NPAT: variants seen among roughly 807,000 people sequenced by gnomAD.
The protein encoded by NPAT is protein NPAT.
NPAT carries 52 observed loss-of-function variants against 130.7 expected under a neutral mutation model. The observed-to-expected ratio is 0.40, with a 90% confidence interval of 0.32 to 0.50. NPAT has a LOEUF of 0.50. Ranked by LOEUF, NPAT falls within the 20% of genes least tolerant of loss-of-function variation. The probability of loss-of-function intolerance (pLI) is 0.68; values close to 1 mark genes in which losing one functional copy is unlikely to be tolerated. For missense variants in NPAT, 1,687 were observed against 1,662.6 expected (o/e 1.01, Z -0.26); for synonymous variants, 580 against 584.8 (o/e 0.99, Z 0.12).
chr11:108,185,721 T>C (rs2078100546), intron 8 of NPAT, among the ~76,000 whole-genome samples: 1 of 152,168 alleles, frequency 6.6e-6, no homozygotes, highest in Non-Finnish European at 1.5e-5. Flanking sequence ...AGTTCCACAC[T>C]CATCATCAAA....
At chr11:108,160,068 T>TG (rs1466862851) in intron 17 of NPAT, among the ~76,000 whole-genome samples, 2 of 151,152 alleles carry the variant, frequency 1.3e-5, no homozygotes, top group Non-Finnish European at 2.9e-5. Context: ...GGGAATTGCT[T>TG]GAACTCAGGA....
Position 108,172,294 on chromosome 11 carries a change from A to G in NPAT, c.2690T>C (p.Met897Thr), listed in dbSNP as rs751725756. 1 of 1,614,182 alleles carries G rather than the reference A, an allele frequency of 6.2e-7. No homozygotes were observed. The highest frequency in any genetic ancestry group is 1.1e-5 in the South Asian group (1 of 91,080). Residue 897 changes from methionine (M) to threonine (T), a missense_variant, in exon 13 of 18, where the codon ATG becomes ACG. This residue lies in a region of NPAT where 1,379 missense variants were observed against 1,346.6 expected (regional missense o/e 1.02). Coordinates refer to ENST00000278612, the MANE Select transcript of NPAT (RefSeq NM_002519.3). ...VVVLPGNSAP[M>T]TAQPLPPQLQ... is the part of the protein sequence containing the mutation. ...CTGAGGTGGTAGAGGTTGAGCAGTCATAGGTGCAGAATTTCCAGGCAACAC... is the reference window on the plus strand; with the variant it reads ...CTGAGGTGGTAGAGGTTGAGCAGTCGTAGGTGCAGAATTTCCAGGCAACAC...
At chr11:108,216,024 G>A (rs771471394) in intron 1 of NPAT, among the ~76,000 whole-genome samples, 10 of 152,114 alleles carry the variant, frequency 6.6e-5, no homozygotes, top group African/African-American at 1.2e-4. Context: ...CTGGCTTTCC[G>A]ACCGTTATAA....
At chr11:108,163,397 A>G (rs12787445) in intron 15 of NPAT, among the ~76,000 whole-genome samples, 53,192 of 151,990 alleles carry the variant, frequency 0.35, 10,014 homozygotes, top group East Asian at 0.54. Context: ...AGGGTGTTAA[A>G]TAGGGAAGAT....
chr11:108,203,179 T>C (rs1239008160), intron 1 of NPAT, among the ~76,000 whole-genome samples: 2 of 152,178 alleles, frequency 1.3e-5, no homozygotes, highest in Non-Finnish European at 2.9e-5. Flanking sequence ...CCCTTTGAAA[T>C]GATGTACAGA....
At chr11:108,182,716 C>A (rs2078069030) in intron 10 of NPAT, among the ~76,000 whole-genome samples, 1 of 152,242 alleles carries the variant, frequency 6.6e-6, no homozygotes, top group Non-Finnish European at 1.5e-5. Context: ...TCTCCAACCC[C>A]TGAACTCAGG....
intron 1 of NPAT, among the ~76,000 whole-genome samples, chr11:108,201,945 A>C (rs2078278720): frequency 6.6e-6 from 1 of 152,178 alleles, no homozygotes; most frequent in Non-Finnish European, 1.5e-5. Flanking sequence ...CTCTCTTTAC[A>C]GATGGAAGTT....
At chr11:108,210,043 G>A (rs972493069) in intron 1 of NPAT, among the ~76,000 whole-genome samples, 3 of 149,142 alleles carry the variant, frequency 2.0e-5, no homozygotes, top group Non-Finnish European at 4.5e-5. Flanking sequence ...CTCTGAAAAC[G>A]TCAACAATGT....
At chr11:108,202,384 C>T (rs774683596) in intron 1 of NPAT, among the ~76,000 whole-genome samples, 7 of 152,088 alleles carry the variant, frequency 4.6e-5, no homozygotes, top group Non-Finnish European at 7.3e-5. Context: ...CACTTGAGGC[C>T]CCTCTGATCT....
At position 108,157,829 on chromosome 11, in the gene NPAT, G is replaced by T. The variant is rs1293827570; in HGVS notation, c.*1113C>A. ...TCTTCAACTGGACTGATGTGTGTGA[G>T]TCTAATACAGAGAAGGCACCTCTCT... On this transcript the variant is annotated 3_prime_UTR_variant, in exon 18 of 18. Transcript: ENST00000278612. 6.6e-6 allele frequency: 1 copy of T among 152,470 alleles called. No homozygotes were observed. The highest frequency in any genetic ancestry group is 2.4e-5 in the African/African-American group (1 of 41,432). 9.4% of individuals were successfully genotyped at this position (152,470 alleles called of 1,614,324 possible).
intron 3 of NPAT, among the ~76,000 whole-genome samples, chr11:108,192,902 CG>C (rs2078184503): frequency 6.6e-6 from 1 of 151,728 alleles, no homozygotes; most frequent in Non-Finnish European, 1.5e-5. Flanking sequence ...TGCGGTGAGC[CG>C]AGATCGCGCC....
rs189775078 is a variant in NPAT, at chr11:108,161,440, T to C, written c.3646A>G (p.Asn1216Asp). 3.0e-3 allele frequency: 4,872 copies of C among 1,614,246 alleles called. 12 individuals are homozygous for C. Among genetic ancestry groups the C allele is most frequent in the Middle Eastern group, 4.8e-3 (29 of 6,062 alleles). Residue 1216 changes from asparagine (N) to aspartate (D), a missense_variant, in exon 17 of 18, where the codon AAC (asparagine) becomes GAC (aspartate). Asn to Asp is a conservative substitution (Grantham distance 23). Coordinates refer to ENST00000278612, the MANE Select transcript of NPAT (RefSeq NM_002519.3). ...EMTKKQGTSS[N>D]NKNVLSVGTA... ...CCTACTGAAAGTACATTTTTATTGT[T>C]TGAAGATGTGCCTTGTTTTTTGGTC... is the stretch of plus-strand genomic sequence containing the variant.
At chr11:108,187,198 C>T (rs1205848753) in intron 7 of NPAT, among the ~76,000 whole-genome samples, 2 of 152,108 alleles carry the variant, frequency 1.3e-5, no homozygotes, top group African/African-American at 4.8e-5. Context: ...CATCTGTAAT[C>T]CCAGCAATTT....
intron 1 of NPAT, among the ~76,000 whole-genome samples, chr11:108,202,050 T>A (rs1223074101): frequency 6.6e-6 from 1 of 152,148 alleles, no homozygotes; most frequent in African/African-American, 2.4e-5. Context: ...GCACAAGTGA[T>A]CAACTAGCTG....
intron 13 of NPAT, 87 bp from the exon 14 acceptor site, chr11:108,170,130 G>T: frequency 1.3e-6 from 1 of 780,666 alleles, no homozygotes; most frequent in South Asian, 1.4e-5. Context: ...ATTAATTACT[G>T]CTTTGAAATA....
chr11:108,207,724 GC>G (rs1333688018), intron 1 of NPAT, among the ~76,000 whole-genome samples: 1 of 152,232 alleles, frequency 6.6e-6, no homozygotes, highest in Admixed American at 6.5e-5. Flanking sequence ...GGAAAGGGGG[GC>G]TTCCCTGGCC....
At chr11:108,186,104 C>T (rs1272079720) in intron 8 of NPAT, among the ~76,000 whole-genome samples, 1 of 151,838 alleles carries the variant, frequency 6.6e-6, no homozygotes, top group East Asian at 1.9e-4. Context: ...GCAGCCTTGA[C>T]CTCCCAGGCT....
At chr11:108,201,187 G>A (rs1227713000) in intron 1 of NPAT, among the ~76,000 whole-genome samples, 2 of 152,170 alleles carry the variant, frequency 1.3e-5, no homozygotes, top group Non-Finnish European at 2.9e-5. Context: ...AAGTACCTAG[G>A]TCTAGTCTTG....
Position 108,161,220 on chromosome 11 carries a change from G to A in NPAT, c.3866C>T (p.Ala1289Val), listed in dbSNP as rs754396326. ...HKEEPIDIIK[A>V]PSSRRFSEDS... ...TTCACTGAAACGCCTACTAGAGGGG[G>A]CCTTGATAATATCTATAGGTTCTTC... The change falls in exon 17 of 18, where the codon GCC becomes GTC. Residue 1289 changes from alanine (A) to valine (V), a missense_variant. Ala to Val is a moderately conservative substitution (Grantham distance 64, BLOSUM62 0). This residue lies in a region of NPAT where 1,379 missense variants were observed against 1,346.6 expected (regional missense o/e 1.02). Transcript: ENST00000278612. 2.9e-5 allele frequency: 47 copies of A among 1,613,998 alleles called. No homozygotes were observed. The Middle Eastern group carries it at 9.9e-4, about 34-fold the overall frequency.
Sources: allele counts gnomAD v4.1 joint callset (sites outside exome capture counted in the v4.1 genomes callset), GRCh38; gene constraint gnomAD v4.1.1; regional missense constraint gnomAD v4.1.1; transcripts MANE v1.5; gene names NCBI Gene and HGNC (gene_info 2026-07-23, HGNC 2026-07-21).